SND1: variants seen among roughly 807,000 people sequenced by gnomAD.
SND1 encodes the protein staphylococcal nuclease and tudor domain containing 1.
A neutral mutation model predicts 121.7 loss-of-function variants in SND1; 38 were observed. The ratio of observed to expected loss-of-function variants is 0.31; its 90% CI spans 0.24 to 0.41. The LOEUF (loss-of-function observed/expected upper bound fraction) is 0.41, where lower values mean the gene tolerates loss of function less well. SND1 is among the 10% of genes least tolerant of loss of function. SND1 has a pLI of 1.00. For missense variants in SND1, 868 were observed against 1,184.6 expected, an observed-to-expected ratio of 0.73 and a Z score of 3.92; for synonymous variants, 401 against 447.4, an observed-to-expected ratio of 0.90 and a Z score of 1.31.
chr7:127,824,923 G>A (rs780855314), intron 11 of SND1, among the ~76,000 whole-genome samples: 26 of 152,112 alleles, frequency 1.7e-4, no homozygotes, highest in Non-Finnish European at 2.8e-4. Flanking sequence ...TTTCTGGAAT[G>A]TATGTACAAC....
chr7:127,674,150 C>T (rs1396396085), intron 1 of SND1, among the ~76,000 whole-genome samples: 1 of 152,004 alleles, frequency 6.6e-6, no homozygotes, highest in African/African-American at 2.4e-5. Context: ...TCCTGCCCTC[C>T]TCCCTCCTTC....
chr7:128,030,264 T>C (rs757345786), intron 16 of SND1: 29 of 1,613,926 alleles, frequency 1.8e-5, no homozygotes, highest in Non-Finnish European at 2.0e-5. Flanking sequence ...CTCCAGGGTG[T>C]TGAGGCTGGC....
chr7:127,930,671 T>C (rs1028813894), intron 15 of SND1, among the ~76,000 whole-genome samples: 4 of 152,236 alleles, frequency 2.6e-5, no homozygotes, highest in Non-Finnish European at 4.4e-5. Context: ...ATGTGAGTTA[T>C]GGTAAACTGA....
At chr7:128,039,142 A>C (rs1792805700) in intron 16 of SND1, among the ~76,000 whole-genome samples, 1 of 152,102 alleles carries the variant, frequency 6.6e-6, no homozygotes, top group Non-Finnish European at 1.5e-5. Flanking sequence ...TACTCTCCCC[A>C]CAACCTAAAA....
intron 14 of SND1, among the ~76,000 whole-genome samples, chr7:127,908,299 A>C (rs887982393): frequency 1.0e-4 from 14 of 140,062 alleles, no homozygotes; most frequent in Non-Finnish European, 1.9e-4. Flanking sequence ...CATCTCTACC[A>C]AAAAAAAAAT....
intron 16 of SND1, chr7:128,030,013 C>T (rs906988031): frequency 1.9e-6 from 3 of 1,613,074 alleles, no homozygotes; most frequent in African/African-American, 2.7e-5. Context: ...TTGGGCATGT[C>T]TTTAATGTTG....
chr7:127,926,749 T>C (rs1346204032), intron 14 of SND1, among the ~76,000 whole-genome samples: 1 of 149,350 alleles, frequency 6.7e-6, no homozygotes, highest in African/African-American at 2.5e-5. Flanking sequence ...TTGTTGTTGT[T>C]GTTGTTGTTG....
At chr7:127,881,341 C>T (rs1172312841) in intron 12 of SND1, among the ~76,000 whole-genome samples, 3 of 152,082 alleles carry the variant, frequency 2.0e-5, no homozygotes, top group South Asian at 4.1e-4. Flanking sequence ...ATTTTTTATG[C>T]TCTTTCTTTT....
At chr7:127,751,720 G>A (rs1038009766) in intron 10 of SND1, among the ~76,000 whole-genome samples, 1 of 152,232 alleles carries the variant, frequency 6.6e-6, no homozygotes, top group African/African-American at 2.4e-5. Context: ...GGCAGGGTTT[G>A]GAAAATAAGG....
chr7:128,008,452 G>A (rs1169477363), intron 16 of SND1, among the ~76,000 whole-genome samples: 1 of 151,402 alleles, frequency 6.6e-6, no homozygotes, highest in African/African-American at 2.4e-5. Context: ...CAGGTTGGGG[G>A]CTTTTTCTTT....
chr7:127,784,615 C>T (rs1797779064), intron 10 of SND1, among the ~76,000 whole-genome samples: 1 of 152,198 alleles, frequency 6.6e-6, no homozygotes, highest in Non-Finnish European at 1.5e-5. Context: ...ATTCCCACCA[C>T]ATTGTTCTCC....
At chr7:127,813,410 A>G (rs1798369050) in intron 11 of SND1, among the ~76,000 whole-genome samples, 1 of 146,246 alleles carries the variant, frequency 6.8e-6, no homozygotes, top group Non-Finnish European at 1.5e-5. Flanking sequence ...TGCCACCTAA[A>G]TGGTCTTTTC....
intron 16 of SND1, among the ~76,000 whole-genome samples, chr7:128,040,757 C>T (rs1050339054): frequency 6.6e-6 from 1 of 152,216 alleles, no homozygotes; most frequent in Non-Finnish European, 1.5e-5. Context: ...CCATGGCCTC[C>T]AAGCCGTTCT....
chr7:127,667,919 A>G (rs1795448207), intron 1 of SND1, among the ~76,000 whole-genome samples: 1 of 152,204 alleles, frequency 6.6e-6, no homozygotes, highest in Non-Finnish European at 1.5e-5. Flanking sequence ...ATTATGTAAA[A>G]TGCTGTTGAT....
At chr7:127,779,860 T>C (rs1797687197) in intron 10 of SND1, among the ~76,000 whole-genome samples, 1 of 152,244 alleles carries the variant, frequency 6.6e-6, no homozygotes, top group Non-Finnish European at 1.5e-5. Flanking sequence ...ACTCTCATTA[T>C]TCAAGGAGTC....
intron 16 of SND1, among the ~76,000 whole-genome samples, chr7:128,020,722 C>G (rs1182143463): frequency 6.6e-6 from 1 of 152,140 alleles, no homozygotes; most frequent in Non-Finnish European, 1.5e-5. Flanking sequence ...TGGACTTACA[C>G]ATGAAGGGGG....
At chr7:127,982,961 A>G (rs1397026432) in intron 15 of SND1, among the ~76,000 whole-genome samples, 2 of 152,206 alleles carry the variant, frequency 1.3e-5, no homozygotes, top group Admixed American at 6.5e-5. Flanking sequence ...GTCTGACTCT[A>G]CCTTTCATGT....
intron 15 of SND1, among the ~76,000 whole-genome samples, chr7:127,930,269 A>G (rs1800934385): frequency 6.6e-6 from 1 of 152,100 alleles, no homozygotes; most frequent in African/African-American, 2.4e-5. Flanking sequence ...CACTTCTTAC[A>G]TTGAATTACT....
At chr7:127,705,939 TC>T (rs1222224917) in intron 8 of SND1, among the ~76,000 whole-genome samples, 1 of 152,202 alleles carries the variant, frequency 6.6e-6, no homozygotes, top group Non-Finnish European at 1.5e-5. Context: ...GTCTTTTTCA[TC>T]CTTGAGTACC....
Sources: allele counts gnomAD v4.1 joint callset (sites outside exome capture counted in the v4.1 genomes callset), GRCh38; gene constraint gnomAD v4.1.1; transcripts MANE v1.5; gene names NCBI Gene and HGNC (gene_info 2026-07-23, HGNC 2026-07-21).